Variants in PDE10A observed in about 807,000 individuals in gnomAD.
PDE10A encodes phosphodiesterase 10A, also known as cAMP and cAMP-inhibited cGMP 3',5'-cyclic phosphodiesterase 10A.
In PDE10A, 39 loss-of-function variants were observed where a neutral mutation model predicts 97.7. The observed-to-expected ratio is 0.40, with a 90% CI of 0.31 to 0.52. The LOEUF is 0.52. Ranked by LOEUF, PDE10A falls within the 20% of genes least tolerant of loss-of-function variation. The pLI is 0.56. For synonymous variants in PDE10A, 371 were observed against 376.8 expected, an observed-to-expected ratio of 0.98 and a Z score of 0.18; for missense variants, 731 against 1,047.8, an observed-to-expected ratio of 0.70 and a Z score of 4.17.
At chr6:165,379,501 G>A (rs73030193) in intron 17 of PDE10A, 135 bp from the exon 18 acceptor site, 11,877 of 630,778 alleles carry the variant, frequency 0.019, 209 homozygotes, top group Non-Finnish European at 0.018. Context: ...GGTAACTTTT[G>A]TTTTTTTTGA....
rs556722628 is a variant in PDE10A, at chr6:165,702,596, G to A, written c.-614-159028C>T. Among the ~76,000 whole-genome samples, 49 of 152,248 alleles carry A rather than the reference G, an allele frequency of 3.2e-4. No individual in the cohort carries two copies. The South Asian group carries it at 9.3e-3, about 29-fold the overall frequency. The stretch of plus-strand genomic sequence containing the variant: ...GTGTACAATTAAGATCAACTAATTC[G>A]CCAGGAACAGTGGCAGCGGGTGGCC... On this transcript the variant is annotated intron_variant, in intron 1 of 19. Transcript: ENST00000366882.
intron 1 of PDE10A, among the ~76,000 whole-genome samples, chr6:165,622,306 G>A (rs1302057584): frequency 2.8e-5 from 4 of 144,250 alleles, no homozygotes; most frequent in Non-Finnish European, 4.4e-5. Flanking sequence ...ATGTGCATGC[G>A]TGTGTGTCAC....
intron 1 of PDE10A, among the ~76,000 whole-genome samples, chr6:165,684,056 A>G (rs1791049638): frequency 6.6e-6 from 1 of 152,076 alleles, no homozygotes; most frequent in African/African-American, 2.4e-5. Context: ...ATTTTTCTCA[A>G]AACTCATGTT....
chr6:165,709,236 C>G (rs1176115184), intron 1 of PDE10A, among the ~76,000 whole-genome samples: 2 of 137,604 alleles, frequency 1.5e-5, no homozygotes, highest in Non-Finnish European at 3.2e-5. Flanking sequence ...CCCCATGCTC[C>G]CGTGCTCTCT....
intron 1 of PDE10A, among the ~76,000 whole-genome samples, chr6:165,844,171 C>T (rs1780340639): frequency 6.6e-6 from 1 of 152,062 alleles, no homozygotes; most frequent in Admixed American, 6.5e-5. Flanking sequence ...GGGTACAAGC[C>T]CATTTGTCCC....
At position 165,702,840 on chromosome 6, in the gene PDE10A, G is replaced by T. The variant is rs150315964; in HGVS notation, c.-614-159272C>A. On this transcript the variant is annotated intron_variant, in intron 1 of 19. Coordinates refer to the PDE10A transcript ENST00000366882. ...ATGATCTAATCTGCACTAGAACCAC[G>T]TGAATGTGAGGCTCTGACGTTCCTA... Among the ~76,000 whole-genome samples, 409 of 152,232 alleles carry T rather than the reference G, an allele frequency of 2.7e-3. 2 individuals are homozygous for T. Among genetic ancestry groups the T allele is most frequent in the African/African-American group, 9.4e-3 (390 of 41,540 alleles).
Position 165,433,013 on chromosome 6 carries a change from C to T in PDE10A, c.1452G>A (p.Arg484=). 6.2e-7 allele frequency: 1 copy of T among 1,613,896 alleles called. No individual in the cohort carries two copies. The highest frequency in any genetic ancestry group is 8.5e-7 in the Non-Finnish European group (1 of 1,179,870). Residue 484 remains arginine, a synonymous_variant, in exon 7 of 22, where the codon CGG becomes CGA. Coordinates refer to ENST00000539869, the MANE Select transcript of PDE10A (RefSeq NM_001385079.1). ...GDLIGILELY[R]HWGKEAFCLS... is the part of the protein sequence containing the mutation. ...GACAGAAGGCTTCTTTGCCCCAGTG[C>T]CGATACAGCTCGAGAATACCAATCA...
chr6:165,375,071 C>A (rs556471262), intron 18 of PDE10A, among the ~76,000 whole-genome samples: 1 of 152,102 alleles, frequency 6.6e-6, no homozygotes, highest in African/African-American at 2.4e-5. Context: ...CCTCCCTGTC[C>A]TTGAACATCC....
chr6:165,612,194 T>C (rs1712779309), intron 1 of PDE10A, among the ~76,000 whole-genome samples: 2 of 152,222 alleles, frequency 1.3e-5, no homozygotes, highest in African/African-American at 4.8e-5. Flanking sequence ...CTGTTTTTGA[T>C]GGAAAACATT....
chr6:165,903,252 G>C (rs1045193645), intron 1 of PDE10A, among the ~76,000 whole-genome samples: 3 of 152,198 alleles, frequency 2.0e-5, no homozygotes, highest in African/African-American at 7.2e-5. Flanking sequence ...TATTTCATAT[G>C]GTTTCAGTTT....
At chr6:165,647,383 G>T (rs74478864) in intron 1 of PDE10A, among the ~76,000 whole-genome samples, 3 of 152,316 alleles carry the variant, frequency 2.0e-5, no homozygotes, top group African/African-American at 7.2e-5. Flanking sequence ...AGACAGGACC[G>T]AGTGAAGGCG....
chr6:165,379,171 A>G, intron 18 of PDE10A, 23 bp downstream of exon 18: 1 of 1,536,862 alleles, frequency 6.5e-7, no homozygotes, highest in Non-Finnish European at 8.9e-7. Context: ...CTGGGCTTCT[A>G]AGCTTTTAAA....
intron 1 of PDE10A, among the ~76,000 whole-genome samples, chr6:165,792,967 T>TG (rs1284924046): frequency 4.6e-5 from 7 of 152,040 alleles, no homozygotes; most frequent in Middle Eastern, 3.4e-3. Flanking sequence ...GGTGCTGGGG[T>TG]GGGGGGTGGC....
intron 17 of PDE10A, among the ~76,000 whole-genome samples, chr6:165,385,971 G>T (rs1377353268): frequency 6.6e-6 from 1 of 152,110 alleles, no homozygotes; most frequent in East Asian, 1.9e-4. Flanking sequence ...GAACAAATTT[G>T]TCATTATTAT....
chr6:165,432,143 T>C (rs1348254741), intron 7 of PDE10A, among the ~76,000 whole-genome samples: 3 of 152,178 alleles, frequency 2.0e-5, no homozygotes, highest in Non-Finnish European at 4.4e-5. Context: ...TGGCCTTCAG[T>C]GTACTTCAGG....
rs151132921 is a variant in PDE10A, at chr6:165,388,209, C to T, written c.2610+89G>A. On this transcript the variant is annotated intron_variant, in intron 17 of 21. Coordinates refer to ENST00000539869, the MANE Select transcript of PDE10A (RefSeq NM_001385079.1). This position sits in a 1 kb window ranked among gnomAD's most constrained non-coding sequence, Gnocchi z 4.0. ...AAGTAGCTGTTGCTTTTAAGGAAGCCATAATGATCTTCCTTTTCCACCTAT... is the reference window on the plus strand; with the variant it reads ...AAGTAGCTGTTGCTTTTAAGGAAGCTATAATGATCTTCCTTTTCCACCTAT... The T allele has an allele frequency of 3.0e-4, 338 of 1,141,990 alleles. 1 individual carries two copies. The African/African-American group carries it at 4.6e-3, about 16-fold the overall frequency. 70.7% of individuals were successfully genotyped at this position (1,141,990 alleles called of 1,614,324 possible). A position where few individuals can be genotyped will look rare whatever the true frequency, so the allele number is the denominator to read the frequency against.
At chr6:165,847,910 A>G (rs943262718) in intron 1 of PDE10A, among the ~76,000 whole-genome samples, 1 of 152,232 alleles carries the variant, frequency 6.6e-6, no homozygotes, top group African/African-American at 2.4e-5. Context: ...ACATTATTGC[A>G]TTCAATGGAA....
At chr6:165,360,524 C>A (rs1422749462) in intron 18 of PDE10A, among the ~76,000 whole-genome samples, 2 of 152,164 alleles carry the variant, frequency 1.3e-5, no homozygotes, top group Non-Finnish European at 2.9e-5. Context: ...GAGGTACTCC[C>A]ATAAAGAGTG....
In PDE10A at chr6:165,594,349, T is replaced by C. The variant is rs967467323; in HGVS notation, c.866-50781A>G. Among the ~76,000 whole-genome samples, 4 of 152,172 alleles carry C rather than the reference T, an allele frequency of 2.6e-5. No homozygotes were observed. The South Asian group carries it at 8.3e-4, about 32-fold the overall frequency. ...GTAAGAAAATGTTTGAAAGAACGCA[T>C]ACTGGCCAAATCTGGGTAGTTTGAA... On this transcript the variant is annotated intron_variant, in intron 1 of 21. Transcript: ENST00000539869.
Sources: gnomAD v4.1 joint callset for allele counts (sites outside exome capture counted in the v4.1 genomes callset) on GRCh38, gnomAD v4.1.1 for gene constraint, Gnocchi (gnomAD v3.1) non-coding constraint, MANE v1.5 for transcripts, NCBI Gene and HGNC (gene_info 2026-07-23, HGNC 2026-07-21) for gene names.